The following RBFOX1 variants were observed in gnomAD, a reference collection of about 807,000 sequenced individuals.
RBFOX1 encodes RNA binding fox-1 homolog 1.
In RBFOX1, 8 loss-of-function variants were observed where a neutral mutation model predicts 57.7. That is an observed-to-expected ratio of 0.14 (90% CI 0.08 to 0.25). The LOEUF is 0.25. RBFOX1 is among the 10% of genes least tolerant of loss of function. The pLI is 1.00. For synonymous variants in RBFOX1, 326 were observed against 222.4 expected (o/e 1.47, Z -4.15); for missense variants, 611 against 548.5 (o/e 1.11, Z -1.14).
intron 1 of RBFOX1, among the ~76,000 whole-genome samples, chr16:5,451,546 C>G (rs946737895): frequency 6.6e-6 from 1 of 152,196 alleles, no homozygotes; most frequent in Admixed American, 6.5e-5. Flanking sequence ...ATGGAAGGAA[C>G]TCCACTTGTC....
intron 3 of RBFOX1, among the ~76,000 whole-genome samples, chr16:6,963,862 C>G (rs1395203946): frequency 2.0e-5 from 3 of 151,682 alleles, no homozygotes; most frequent in African/African-American, 7.3e-5. Context: ...CCACGCCTGG[C>G]TAATTTTTTG....
intron 4 of RBFOX1, among the ~76,000 whole-genome samples, chr16:5,944,137 C>T (rs1331166530): frequency 6.6e-6 from 1 of 152,218 alleles, no homozygotes; most frequent in Non-Finnish European, 1.5e-5. Flanking sequence ...AGCCTTAGTT[C>T]ATATCCTAAT....
intron 14 of RBFOX1, among the ~76,000 whole-genome samples, chr16:7,705,452 C>T (rs2082128230): frequency 6.6e-6 from 1 of 152,072 alleles, no homozygotes; most frequent in African/African-American, 2.4e-5. Flanking sequence ...TTGCAGTGAG[C>T]CAAGATTGTG....
chr16:7,195,144 C>G (rs1025997748), intron 4 of RBFOX1, among the ~76,000 whole-genome samples: 2 of 152,126 alleles, frequency 1.3e-5, no homozygotes. Context: ...ATGTTTTGTG[C>G]CTCATATTGC....
At chr16:6,826,665 A>G (rs958226971) in intron 3 of RBFOX1, among the ~76,000 whole-genome samples, 1 of 151,770 alleles carries the variant, frequency 6.6e-6, no homozygotes, top group African/African-American at 2.4e-5. Context: ...TTTGTTTGCT[A>G]CCAGCCTAAG....
chr16:6,116,039 G>T (rs1003435950), intron 1 of RBFOX1, among the ~76,000 whole-genome samples: 2 of 152,174 alleles, frequency 1.3e-5, no homozygotes, highest in African/African-American at 4.8e-5. Flanking sequence ...ATCAGTGATA[G>T]ACTTGATAAA....
chr16:6,115,322 A>G (rs2096486681), intron 1 of RBFOX1, among the ~76,000 whole-genome samples: 1 of 152,244 alleles, frequency 6.6e-6, no homozygotes. Flanking sequence ...TGTAACAAGT[A>G]CAAATTAAAG....
At chr16:6,267,094 C>G (rs1189191062) in intron 1 of RBFOX1, among the ~76,000 whole-genome samples, 1 of 152,050 alleles carries the variant, frequency 6.6e-6, no homozygotes, top group African/African-American at 2.4e-5. Flanking sequence ...TTGAAGAGTT[C>G]CCCACAGCCA....
At chr16:5,810,841 G>T (rs986620057) in intron 3 of RBFOX1, among the ~76,000 whole-genome samples, 3 of 152,100 alleles carry the variant, frequency 2.0e-5, no homozygotes, top group Admixed American at 2.0e-4. Context: ...CCTCAACTGG[G>T]AATGTTCTCT....
chr16:5,549,305 T>A (rs560744102), intron 2 of RBFOX1, among the ~76,000 whole-genome samples: 1 of 152,348 alleles, frequency 6.6e-6, no homozygotes, highest in South Asian at 2.1e-4. Flanking sequence ...TTGACTGTTC[T>A]TGGTTGAACT....
chr16:7,389,544 C>T lies in RBFOX1; in HGVS notation c.28-128603C>T, dbSNP rs183345759. Among the ~76,000 whole-genome samples the T allele has an allele frequency of 2.7e-3, 409 of 152,312 alleles. 1 individual carries two copies. Among genetic ancestry groups the T allele is most frequent in the Non-Finnish European group, 4.3e-3 (295 of 68,028 alleles). On this transcript the variant is annotated intron_variant, in intron 4 of 15. Coordinates refer to ENST00000550418, the MANE Select transcript of RBFOX1 (RefSeq NM_018723.4). The stretch of plus-strand genomic sequence containing the variant: ...TATCATTGCTTAATCTTGCGAACAA[C>T]TCTGGAAGATCCTTACAGAATGACT...
chr16:6,724,601 A>G (rs73543645), intron 3 of RBFOX1, among the ~76,000 whole-genome samples: 1 of 152,292 alleles, frequency 6.6e-6, no homozygotes, highest in African/African-American at 2.4e-5. Flanking sequence ...AACTATAAGA[A>G]AATAAATTTC....
chr16:6,154,923 G>T (rs1251344357), intron 1 of RBFOX1, among the ~76,000 whole-genome samples: 2 of 152,120 alleles, frequency 1.3e-5, no homozygotes, highest in Non-Finnish European at 2.9e-5. Context: ...AATTCAATTA[G>T]CAAGCAACTA....
At chr16:5,804,998 C>G (rs903646179) in intron 3 of RBFOX1, among the ~76,000 whole-genome samples, 3 of 151,954 alleles carry the variant, frequency 2.0e-5, no homozygotes, top group Non-Finnish European at 2.9e-5. Flanking sequence ...AGATGAAGTG[C>G]AAAGGGCTGC....
intron 9 of RBFOX1, among the ~76,000 whole-genome samples, chr16:7,606,111 T>G (rs1162017980): frequency 7.0e-6 from 1 of 143,270 alleles, no homozygotes. Context: ...GTGCCCGACC[T>G]GCATGGATTT....
intron 2 of RBFOX1, among the ~76,000 whole-genome samples, chr16:6,373,756 A>G (rs1317170018): frequency 2.6e-5 from 4 of 152,138 alleles, no homozygotes; most frequent in African/African-American, 9.7e-5. Flanking sequence ...AATTGTGACG[A>G]TAAAGGATCA....
intron 3 of RBFOX1, among the ~76,000 whole-genome samples, chr16:5,725,015 T>C (rs1226454940): frequency 6.6e-6 from 1 of 152,072 alleles, no homozygotes; most frequent in African/African-American, 2.4e-5. Context: ...CCTTATTGGG[T>C]GGTGAAATCC....
chr16:6,086,610 C>A (rs35476871), intron 1 of RBFOX1, among the ~76,000 whole-genome samples: 2 of 152,206 alleles, frequency 1.3e-5, no homozygotes, highest in African/African-American at 4.8e-5. Flanking sequence ...GGGCTGGGGG[C>A]GCATGCTTGG....
At chr16:6,910,308 T>C (rs1159492719) in intron 3 of RBFOX1, among the ~76,000 whole-genome samples, 2 of 152,124 alleles carry the variant, frequency 1.3e-5, no homozygotes, top group African/African-American at 4.8e-5. Flanking sequence ...AGAGAATCTT[T>C]TTAGGGGCAA....
Sources: gnomAD v4.1 joint callset for allele counts (sites outside exome capture counted in the v4.1 genomes callset) on GRCh38, gnomAD v4.1.1 for gene constraint, MANE v1.5 for transcripts, NCBI Gene and HGNC (gene_info 2026-07-23, HGNC 2026-07-21) for gene names.